The following GALNT10 variants were observed in gnomAD, a reference collection of about 807,000 sequenced individuals.
GALNT10 encodes the protein polypeptide N-acetylgalactosaminyltransferase 10, also known as GalNAc transferase 10.
Under a neutral mutation model 75.0 loss-of-function variants are expected in GALNT10, and 41 were observed. The observed-to-expected ratio is 0.55, with a 90% CI of 0.43 to 0.71. GALNT10 has a LOEUF of 0.71. Among genes scored for constraint, GALNT10 ranks in the 30% least tolerant of loss-of-function variants. The pLI, the probability that GALNT10 is intolerant of heterozygous loss-of-function variation, is 0.00. For missense variants in GALNT10, 727 were observed against 818.5 expected (o/e 0.89, Z 1.36); for synonymous variants, 302 against 313.0 (o/e 0.96, Z 0.37).
intron 1 of GALNT10, among the ~76,000 whole-genome samples, chr5:154,285,802 C>G (rs1754102229): frequency 6.6e-6 from 1 of 152,142 alleles, no homozygotes; most frequent in Non-Finnish European, 1.5e-5. Context: ...ACTTGTATTT[C>G]TAAATGCTCC....
intron 4 of GALNT10, chr5:154,338,008 C>G: frequency 6.4e-7 from 1 of 1,561,098 alleles, no homozygotes; most frequent in Admixed American, 1.7e-5. Flanking sequence ...TTGCCACTGC[C>G]TCGATCAGTC....
In GALNT10 at chr5:154,417,356, C is replaced by T. The variant is rs1369680881; in HGVS notation, c.*384C>T. 5.8e-6 allele frequency: 1 copy of T among 171,886 alleles called. No individual in the cohort carries two copies. The highest frequency in any genetic ancestry group is 1.2e-5 in the Non-Finnish European group (1 of 80,930). 10.6% of individuals were successfully genotyped at this position (171,886 alleles called of 1,614,324 possible). A position where few individuals can be genotyped will look rare whatever the true frequency, so the allele number is the denominator to read the frequency against. On this transcript the variant is annotated 3_prime_UTR_variant, in exon 12 of 12. Coordinates refer to ENST00000297107, the MANE Select transcript of GALNT10 (RefSeq NM_198321.4). ...GGTTGCCCAGCCCTCAGATGGCTCT[C>T]CTACATGATGGTGCTTTAGAAACAA...
At chr5:154,310,448 T>TG (rs1554098088) in intron 3 of GALNT10, among the ~76,000 whole-genome samples, 4 of 97,718 alleles carry the variant, frequency 4.1e-5, no homozygotes, top group Admixed American at 1.3e-4. Context: ...TTTGTTTTTT[T>TG]TTTTGTTTGT....
At chr5:154,235,834 T>C (rs1308066137) in intron 1 of GALNT10, among the ~76,000 whole-genome samples, 1 of 152,192 alleles carries the variant, frequency 6.6e-6, no homozygotes, top group Non-Finnish European at 1.5e-5. Context: ...CCGGTTGTCT[T>C]AATGGCAAGA....
chr5:154,228,711 T>C (rs535631711), intron 1 of GALNT10, among the ~76,000 whole-genome samples: 31 of 152,328 alleles, frequency 2.0e-4, no homozygotes, highest in African/African-American at 7.5e-4. Context: ...TGGGTGGTGG[T>C]ATAGAGTGAA....
chr5:154,261,246 A>T (rs1332434530), intron 1 of GALNT10, among the ~76,000 whole-genome samples: 1 of 150,736 alleles, frequency 6.6e-6, no homozygotes, highest in African/African-American at 2.5e-5. Context: ...CTGATGGCTC[A>T]TAAGTAGGTT....
intron 1 of GALNT10, among the ~76,000 whole-genome samples, chr5:154,294,176 A>G (rs1486745076): frequency 6.6e-6 from 1 of 152,126 alleles, no homozygotes; most frequent in East Asian, 1.9e-4. Context: ...CCCTATCACT[A>G]CAATAAATAA....
At chr5:154,388,968 G>A (rs1468688625) in intron 7 of GALNT10, 1 of 150,862 alleles carries the variant, frequency 6.6e-6, no homozygotes, top group African/African-American at 2.4e-5. Context: ...GGGAGAGAGA[G>A]AGACAGAGAG....
At chr5:154,250,425 C>G (rs1218712272) in intron 1 of GALNT10, among the ~76,000 whole-genome samples, 1 of 152,078 alleles carries the variant, frequency 6.6e-6, no homozygotes, top group Non-Finnish European at 1.5e-5. Flanking sequence ...TATCAAGAAC[C>G]CTGGCACAAG....
chr5:154,338,918 T>C (rs1320558600), intron 4 of GALNT10, among the ~76,000 whole-genome samples: 1 of 152,220 alleles, frequency 6.6e-6, no homozygotes, highest in Non-Finnish European at 1.5e-5. Context: ...TATGGAACCA[T>C]GGCCTTGCTG....
intron 4 of GALNT10, among the ~76,000 whole-genome samples, chr5:154,346,030 C>G (rs1406077670): frequency 6.8e-6 from 1 of 147,094 alleles, no homozygotes; most frequent in Non-Finnish European, 1.5e-5. Context: ...AACTCCTGGG[C>G]TCAAGTGATC....
chr5:154,244,776 G>C (rs546103662), intron 1 of GALNT10, among the ~76,000 whole-genome samples: 2 of 152,344 alleles, frequency 1.3e-5, no homozygotes, highest in Admixed American at 1.3e-4. Context: ...CAGGTCTCAA[G>C]GAGGTATCAC....
chr5:154,266,999 C>T (rs1371701691), intron 1 of GALNT10, among the ~76,000 whole-genome samples: 2 of 152,140 alleles, frequency 1.3e-5, no homozygotes, highest in Non-Finnish European at 2.9e-5. Flanking sequence ...GATCTTAGCA[C>T]CTTCTGCTAA....
intron 4 of GALNT10, among the ~76,000 whole-genome samples, chr5:154,351,564 T>C (rs554358901): frequency 2.6e-4 from 39 of 152,372 alleles, no homozygotes; most frequent in Non-Finnish European, 2.2e-4. Flanking sequence ...GGAAAGGCCA[T>C]TGTGACTTTG....
At chr5:154,366,731 T>C (rs560645449) in intron 4 of GALNT10, among the ~76,000 whole-genome samples, 24 of 152,352 alleles carry the variant, frequency 1.6e-4, no homozygotes, top group African/African-American at 5.8e-4. Context: ...TTCCTCCACC[T>C]ATTGGTACTT....
intron 1 of GALNT10, among the ~76,000 whole-genome samples, chr5:154,250,397 G>A (rs1753496697): frequency 6.6e-6 from 1 of 152,132 alleles, no homozygotes; most frequent in African/African-American, 2.4e-5. Context: ...AAATGATATG[G>A]AGATTCATTA....
intron 1 of GALNT10, among the ~76,000 whole-genome samples, chr5:154,255,485 G>C (rs548259808): frequency 4.6e-5 from 7 of 152,092 alleles, no homozygotes; most frequent in Admixed American, 2.0e-4. Context: ...ACTTTTTATA[G>C]GTTAAAAAAA....
chr5:154,304,440 A>G (rs1463597094), intron 3 of GALNT10, among the ~76,000 whole-genome samples: 4 of 152,250 alleles, frequency 2.6e-5, no homozygotes, highest in Admixed American at 2.6e-4. Flanking sequence ...TGTAAACAGT[A>G]CAAAGAAGAA....
At chr5:154,373,122 A>G (rs1204655582) in intron 4 of GALNT10, among the ~76,000 whole-genome samples, 1 of 152,190 alleles carries the variant, frequency 6.6e-6, no homozygotes, top group Non-Finnish European at 1.5e-5. Context: ...GAGCCAGGAT[A>G]CAGCCTCAGA....
Sources: allele counts gnomAD v4.1 joint callset (sites outside exome capture counted in the v4.1 genomes callset), GRCh38; gene constraint gnomAD v4.1.1; transcripts MANE v1.5; gene names NCBI Gene and HGNC (gene_info 2026-07-23, HGNC 2026-07-21).